IFNAR1: variants seen among roughly 807,000 people sequenced by gnomAD.
IFNAR1 encodes the protein interferon alpha/beta receptor 1.
IFNAR1 carries 47 observed loss-of-function variants against 62.1 expected under a neutral mutation model. The ratio of observed to expected loss-of-function variants is 0.76; its 90% CI spans 0.60 to 0.97. The LOEUF is 0.97. IFNAR1 is among the 50% of genes least tolerant of loss of function. IFNAR1 has a pLI of 0.00. For synonymous variants in IFNAR1, 219 were observed against 226.9 expected (o/e 0.97, Z 0.31); for missense variants, 638 against 654.5 (o/e 0.97, Z 0.27).
At chr21:33,350,788 T>C (rs911157473) in intron 8 of IFNAR1, among the ~76,000 whole-genome samples, 1 of 152,232 alleles carries the variant, frequency 6.6e-6, no homozygotes, top group East Asian at 1.9e-4. Context: ...TAGCTTAATG[T>C]AGCCCATTGA....
chr21:33,335,211 G>T, intron 1 of IFNAR1: 1 of 467,566 alleles, frequency 2.1e-6, no homozygotes, highest in Non-Finnish European at 3.9e-6. Flanking sequence ...TCATAAGAGT[G>T]ACTCATCGGT....
Position 33,355,359 on chromosome 21 carries a change from C to T in IFNAR1, c.1484C>T (p.Ser495Phe). ...QPLKNLLLST[S>F]EEQIEKCFII... ...TTGAAGAATCTTCTGCTTTCAACTTCTGAGGAACAAATCGAAAAATGTTTC... is the reference window on the plus strand; with the variant it reads ...TTGAAGAATCTTCTGCTTTCAACTTTTGAGGAACAAATCGAAAAATGTTTC... The change falls in exon 11 of 11, where the codon TCT (serine) becomes TTT (phenylalanine). Residue 495 changes from serine (S) to phenylalanine (F), a missense_variant. Transcript: ENST00000270139. 3 of 1,601,140 alleles carry T rather than the reference C, an allele frequency of 1.9e-6. No homozygotes were observed. The highest frequency in any genetic ancestry group is 2.6e-6 in the Non-Finnish European group (3 of 1,173,876).
chr21:33,326,633 C>T (rs191933711), intron 1 of IFNAR1, among the ~76,000 whole-genome samples: 1 of 152,314 alleles, frequency 6.6e-6, no homozygotes, highest in Admixed American at 6.5e-5. Context: ...TAGCCCTTCG[C>T]AGATGGCTGA....
In IFNAR1 at chr21:33,349,213, T is replaced by C; in HGVS notation, c.911T>C (p.Leu304Pro). ...PQNVFQKGIY[L>P]LRVQASDGNN... ...AACGTTTTCCAAAAAGGAATTTACCTTCTCCGCGTACAAGCATCTGATGGA... is the reference window on the plus strand; with the variant it reads ...AACGTTTTCCAAAAAGGAATTTACCCTCTCCGCGTACAAGCATCTGATGGA... Residue 304 changes from leucine to proline, a missense_variant, in exon 7 of 11, where the codon CTT (leucine) becomes CCT (proline). Physicochemically the swap from Leu to Pro is moderately conservative, Grantham distance 98 (BLOSUM62 -3). Transcript: ENST00000270139. 1 of 1,613,622 alleles carries C rather than the reference T, an allele frequency of 6.2e-7. No homozygotes were observed. The highest frequency in any genetic ancestry group is 1.1e-5 in the South Asian group (1 of 90,950).
Position 33,355,339 on chromosome 21 carries a change from G to T in IFNAR1, c.1464G>T (p.Lys488Asn). The stretch of plus-strand genomic sequence containing the variant: ...AGTATTTCTCTGAACAGCCATTGAA[G>T]AATCTTCTGCTTTCAACTTCTGAGG... Reference protein sequence around the residue: ...IDEYFSEQPLKNLLLSTSEEQ... With the variant: ...IDEYFSEQPLNNLLLSTSEEQ... Residue 488 changes from lysine (K) to asparagine (N), a missense_variant, in exon 11 of 11, where the codon AAG (lysine) becomes AAT (asparagine). Lys to Asn is a moderately conservative substitution (Grantham distance 94). Transcript: ENST00000270139. 6.4e-7 allele frequency: 1 copy of T among 1,572,352 alleles called. No individual in the cohort carries two copies. Among genetic ancestry groups the T allele is most frequent in the South Asian group, 1.2e-5 (1 of 85,296 alleles).
chr21:33,347,777 C>G (rs1568931634), intron 6 of IFNAR1, among the ~76,000 whole-genome samples: 5 of 152,092 alleles, frequency 3.3e-5, no homozygotes. Flanking sequence ...ATGTGTACAC[C>G]AGGGGGCAGG....
intron 1 of IFNAR1, among the ~76,000 whole-genome samples, chr21:33,329,796 C>T (rs184531526): frequency 2.0e-5 from 3 of 152,218 alleles, no homozygotes; most frequent in East Asian, 1.9e-4. Flanking sequence ...AAGTATGAAG[C>T]GATATAAATT....
intron 9 of IFNAR1, 48 bp downstream of exon 9, chr21:33,352,956 A>C: frequency 7.2e-7 from 1 of 1,394,998 alleles, no homozygotes; most frequent in Admixed American, 2.0e-5. Context: ...AGACATAATA[A>C]AAGTAATTCT....
intron 1 of IFNAR1, among the ~76,000 whole-genome samples, chr21:33,332,914 G>A (rs1247352025): frequency 3.3e-5 from 5 of 152,136 alleles, no homozygotes; most frequent in Non-Finnish European, 7.4e-5. Flanking sequence ...AGGAGAAAAG[G>A]TAAGAGGCAT....
chr21:33,348,700 G>C (rs990639070), intron 6 of IFNAR1, among the ~76,000 whole-genome samples: 1 of 152,002 alleles, frequency 6.6e-6, no homozygotes, highest in Non-Finnish European at 1.5e-5. Flanking sequence ...TACTCAGGGG[G>C]ACAGAGGCAG....
intron 1 of IFNAR1, among the ~76,000 whole-genome samples, 196 bp downstream of exon 1, chr21:33,325,327 G>T (rs1026330804): frequency 2.6e-5 from 4 of 152,196 alleles, no homozygotes; most frequent in African/African-American, 9.7e-5. Flanking sequence ...GTCCTCTCTT[G>T]CCGCTTGCCT....
At chr21:33,353,131 G>C (rs550184326) in intron 9 of IFNAR1, among the ~76,000 whole-genome samples, 1 of 152,282 alleles carries the variant, frequency 6.6e-6, no homozygotes, top group East Asian at 1.9e-4. Context: ...ATTTCATCCA[G>C]TATCCCTATA....
chr21:33,333,459 C>T lies in IFNAR1; in HGVS notation c.77-2065C>T, dbSNP rs1348576158. Among the ~76,000 whole-genome samples, 3 of 152,128 alleles carry T rather than the reference C, an allele frequency of 2.0e-5. No individual in the cohort carries two copies. In the East Asian group the frequency reaches 5.8e-4, roughly 29 times the overall value. ...AGAAAAGAATTAAACCTTATCAAACCATCAAACCACAATGATAAATAATAA... is the reference window on the plus strand; with the variant it reads ...AGAAAAGAATTAAACCTTATCAAACTATCAAACCACAATGATAAATAATAA... On this transcript the variant is annotated intron_variant, in intron 1 of 10. Transcript: ENST00000270139.
chr21:33,359,022 C>G lies in IFNAR1; in HGVS notation c.*3473C>G, dbSNP rs2123286240. On this transcript the variant is annotated 3_prime_UTR_variant, in exon 11 of 11. Transcript: ENST00000270139. ...TTATTTTGTTTGCTGTCTGTCTCCC[C>G]TGCCCCACTGCTGGAACAGAGGCTC... 1 of 152,248 alleles carries G rather than the reference C, an allele frequency of 6.6e-6. No individual in the cohort carries two copies. Among genetic ancestry groups the G allele is most frequent in the South Asian group, 2.1e-4 (1 of 4,826 alleles). The allele number at this position is 152,248 out of a possible 1,614,324, so 9.4% of individuals were successfully genotyped here. A position where few individuals can be genotyped will look rare whatever the true frequency, so the allele number is the denominator to read the frequency against.
At chr21:33,324,953 C>T, upstream of IFNAR1, 1 of 977,234 alleles carries the variant, frequency 1.0e-6, no homozygotes, top group Admixed American at 2.1e-5. Context: ...AGAGGGGCAG[C>T]GCGTGTGCAG....
At chr21:33,350,520 A>G (rs952882155) in intron 8 of IFNAR1, among the ~76,000 whole-genome samples, 1 of 152,188 alleles carries the variant, frequency 6.6e-6, no homozygotes, top group African/African-American at 2.4e-5. Context: ...GGAGGTAATG[A>G]AAAAAGGGTT....
intron 6 of IFNAR1, among the ~76,000 whole-genome samples, chr21:33,347,115 G>A (rs904214705): frequency 6.9e-5 from 10 of 145,818 alleles, no homozygotes; most frequent in African/African-American, 2.6e-4. Flanking sequence ...GGAAGGGAGA[G>A]TCTGACCTCT....
intron 2 of IFNAR1, among the ~76,000 whole-genome samples, chr21:33,337,766 CATATACACACTGTATATGTATATGT>C (rs2083256724): frequency 8.1e-6 from 1 of 123,852 alleles, no homozygotes; most frequent in Non-Finnish European, 1.7e-5. Context: ...ACTATATATA[CATATACACACTGTATATGTATATGT>C]ATATACACAC....
At position 33,358,013 on chromosome 21, in the gene IFNAR1, G is replaced by A. The variant is rs2083465285; in HGVS notation, c.*2464G>A. The A allele has an allele frequency of 6.6e-6, 1 of 152,164 alleles. No homozygotes were observed. Among genetic ancestry groups the A allele is most frequent in the Non-Finnish European group, 1.5e-5 (1 of 68,040 alleles). 9.4% of individuals were successfully genotyped at this position (152,164 alleles called of 1,614,324 possible). A position where few individuals can be genotyped will look rare whatever the true frequency, so the allele number is the denominator to read the frequency against. On this transcript the variant is annotated 3_prime_UTR_variant, in exon 11 of 11. Transcript: ENST00000270139. ...ACTTCAGACTGGATAGCCTAAAAAG[G>A]AGCAATGCCCTTGTAGGATGTGGAG...
Sources: allele counts gnomAD v4.1 joint callset (sites outside exome capture counted in the v4.1 genomes callset), GRCh38; gene constraint gnomAD v4.1.1; transcripts MANE v1.5; gene names NCBI Gene and HGNC (gene_info 2026-07-23, HGNC 2026-07-21).